CALN1: variants seen among roughly 807,000 people sequenced by gnomAD.
CALN1 encodes the protein calneuron 1.
In CALN1, 17 loss-of-function variants were observed where a neutral mutation model predicts 30.6. The observed-to-expected ratio is 0.56, with a 90% CI of 0.38 to 0.83. The LOEUF (loss-of-function observed/expected upper bound fraction) is 0.83. CALN1 is among the 40% of genes least tolerant of loss of function. The pLI is 0.00. For synonymous variants in CALN1, 156 were observed against 131.4 expected, an observed-to-expected ratio of 1.19 and a Z score of -1.28; for missense variants, 291 against 354.9, an observed-to-expected ratio of 0.82 and a Z score of 1.45.
intron 2 of CALN1, among the ~76,000 whole-genome samples, chr7:72,303,873 C>T (rs1799464736): frequency 6.6e-6 from 1 of 151,790 alleles, no homozygotes; most frequent in African/African-American, 2.4e-5. Context: ...GACTCTGTCT[C>T]GAGAAAATAA....
At chr7:72,218,600 C>T (rs889944064) in intron 3 of CALN1, among the ~76,000 whole-genome samples, 4 of 152,102 alleles carry the variant, frequency 2.6e-5, no homozygotes, top group South Asian at 2.1e-4. Context: ...ATGTAGAGGA[C>T]GCCATGCTTG....
At chr7:72,021,222 C>A (rs1223907762) in intron 5 of CALN1, among the ~76,000 whole-genome samples, 2 of 152,072 alleles carry the variant, frequency 1.3e-5, no homozygotes, top group African/African-American at 4.8e-5. Flanking sequence ...CTGCAGTGAG[C>A]TATGGTTGCA....
At chr7:72,443,069 G>A (rs2129564475) in intron 1 of CALN1, among the ~76,000 whole-genome samples, 1 of 152,338 alleles carries the variant, frequency 6.6e-6, no homozygotes, top group South Asian at 2.1e-4. Context: ...TTGCACTTAG[G>A]ATTGAGCATT....
intron 3 of CALN1, among the ~76,000 whole-genome samples, chr7:72,236,328 A>G (rs1042647156): frequency 3.9e-5 from 6 of 152,142 alleles, no homozygotes; most frequent in African/African-American, 1.4e-4. Context: ...TAAAATACTC[A>G]AAGTCGAAAT....
chr7:71,971,954 AAAGAAAGAAAGAAAGAAAG>A (rs1562946604), intron 5 of CALN1, among the ~76,000 whole-genome samples: 2 of 54,514 alleles, frequency 3.7e-5, no homozygotes, highest in East Asian at 1.1e-3. Flanking sequence ...AAAAAAAAAA[AAAGAAAGAAAGAAAGAAAG>A]AAAGAAAGAA....
the CALN1 span, among the ~76,000 whole-genome samples, chr7:72,462,004 T>A: frequency 2.0e-5 from 3 of 148,698 alleles, no homozygotes; most frequent in African/African-American, 7.7e-5. Context: ...ACAGACTTCG[T>A]CTCAAAAAGA....
intron 3 of CALN1, among the ~76,000 whole-genome samples, chr7:72,173,855 G>C (rs1332073742): frequency 6.6e-6 from 1 of 151,830 alleles, no homozygotes; most frequent in Non-Finnish European, 1.5e-5. Flanking sequence ...AAAGACAAGA[G>C]AAATCTCTGT....
intron 5 of CALN1, among the ~76,000 whole-genome samples, chr7:71,931,765 G>A (rs1028379750): frequency 1.3e-5 from 2 of 152,188 alleles, no homozygotes; most frequent in Non-Finnish European, 2.9e-5. Context: ...GGGTGATGAT[G>A]GGAGGCTTAC....
intron 5 of CALN1, among the ~76,000 whole-genome samples, chr7:71,874,139 G>A (rs1384615734): frequency 6.6e-6 from 1 of 152,018 alleles, no homozygotes; most frequent in Admixed American, 6.6e-5. Flanking sequence ...GCTGGGCGTG[G>A]TGGTGGGCAC....
chr7:71,802,478 T>A (rs1787364661), intron 6 of CALN1, among the ~76,000 whole-genome samples: 1 of 152,138 alleles, frequency 6.6e-6, no homozygotes, highest in Admixed American at 6.5e-5. Context: ...AGTTTTTTAT[T>A]CAGAGTTGGG....
intron 1 of CALN1, among the ~76,000 whole-genome samples, chr7:72,427,256 G>A (rs1334823568): frequency 1.3e-5 from 2 of 151,768 alleles, no homozygotes; most frequent in African/African-American, 4.8e-5. Context: ...GATTACAGGT[G>A]TGAGCCACCT....
At chr7:72,326,785 C>A (rs1394679707) in intron 2 of CALN1, among the ~76,000 whole-genome samples, 2 of 152,144 alleles carry the variant, frequency 1.3e-5, no homozygotes, top group Non-Finnish European at 2.9e-5. Context: ...AACAAGGAGC[C>A]ACAGCTGAGT....
chr7:71,852,023 A>T (rs558555340), intron 5 of CALN1, among the ~76,000 whole-genome samples: 28 of 152,272 alleles, frequency 1.8e-4, no homozygotes, highest in Admixed American at 5.2e-4. Context: ...CAAGAGGAGG[A>T]TCTAAAGGAG....
intron 5 of CALN1, among the ~76,000 whole-genome samples, chr7:71,867,510 T>C (rs1025197132): frequency 1.3e-5 from 2 of 151,966 alleles, no homozygotes; most frequent in Admixed American, 6.6e-5. Flanking sequence ...TCTCGGCTCA[T>C]TGCAACCTCC....
the CALN1 span, among the ~76,000 whole-genome samples, chr7:72,492,466 C>T: frequency 4.6e-5 from 7 of 152,192 alleles, no homozygotes; most frequent in African/African-American, 1.7e-4. Context: ...GTGCTTACTA[C>T]AGGGGCTGTT....
At chr7:72,328,206 A>G (rs1315730329) in intron 2 of CALN1, among the ~76,000 whole-genome samples, 3 of 152,194 alleles carry the variant, frequency 2.0e-5, no homozygotes, top group Non-Finnish European at 4.4e-5. Flanking sequence ...CATGTAATAC[A>G]GTTTGGCTGT....
intron 4 of CALN1, among the ~76,000 whole-genome samples, chr7:72,043,413 G>GA (rs1042745427): frequency 6.6e-6 from 1 of 151,948 alleles, no homozygotes; most frequent in Non-Finnish European, 1.5e-5. Flanking sequence ...AATAAAAATA[G>GA]AAAAAAATGC....
At chr7:72,093,177 C>A (rs765739166) in intron 4 of CALN1, among the ~76,000 whole-genome samples, 1 of 152,250 alleles carries the variant, frequency 6.6e-6, no homozygotes, top group East Asian at 1.9e-4. Context: ...CCACTTTTCA[C>A]CATCATGTTA....
At chr7:72,387,743 G>A (rs986899292) in intron 2 of CALN1, among the ~76,000 whole-genome samples, 3 of 152,134 alleles carry the variant, frequency 2.0e-5, no homozygotes, top group Admixed American at 1.3e-4. Flanking sequence ...CACAGCCAAG[G>A]GGAACTAAGG....
Sources: gnomAD v4.1 joint callset for allele counts (sites outside exome capture counted in the v4.1 genomes callset) on GRCh38, gnomAD v4.1.1 for gene constraint, MANE v1.5 for transcripts, NCBI Gene and HGNC (gene_info 2026-07-23, HGNC 2026-07-21) for gene names.